The following DOCK1 variants were observed in gnomAD, a reference collection of about 807,000 sequenced individuals.
DOCK1 encodes dedicator of cytokinesis 1.
Under a neutral mutation model 262.7 loss-of-function variants are expected in DOCK1, and 138 were observed. The ratio of observed to expected loss-of-function variants is 0.53; its 90% CI spans 0.46 to 0.61. The LOEUF (loss-of-function observed/expected upper bound fraction) is 0.61, where lower values mean the gene tolerates loss of function less well. DOCK1 is among the 20% of genes least tolerant of loss of function. The probability of loss-of-function intolerance (pLI) is 0.00; values close to 1 mark genes in which losing one functional copy is unlikely to be tolerated. For synonymous variants in DOCK1, 866 were observed against 867.4 expected, an observed-to-expected ratio of 1.00 and a Z score of 0.03; for missense variants, 1,908 against 2,370.7, an observed-to-expected ratio of 0.80 and a Z score of 4.05.
intron 27 of DOCK1, among the ~76,000 whole-genome samples, chr10:127,240,073 A>C (rs906480885): frequency 6.6e-6 from 1 of 152,106 alleles, no homozygotes; most frequent in African/African-American, 2.4e-5. Context: ...CTGCCACTAT[A>C]AAAATGAAAT....
chr10:126,948,618 A>G, intron 1 of DOCK1, among the ~76,000 whole-genome samples: 1 of 151,936 alleles, frequency 6.6e-6, no homozygotes, highest in Non-Finnish European at 1.5e-5. Context: ...CAGATGGAGA[A>G]GGAAAGTTTC....
At chr10:127,063,394 A>T (rs2045661666) in intron 23 of DOCK1, among the ~76,000 whole-genome samples, 1 of 152,208 alleles carries the variant, frequency 6.6e-6, no homozygotes, top group Non-Finnish European at 1.5e-5. Context: ...ACATGAATCA[A>T]GTCGGAGCCT....
intron 29 of DOCK1, among the ~76,000 whole-genome samples, chr10:127,301,335 C>T (rs1486618095): frequency 6.6e-6 from 1 of 152,220 alleles, no homozygotes; most frequent in African/African-American, 2.4e-5. Flanking sequence ...AGTCAGGCTG[C>T]TTCCTTTGTT....
chr10:127,121,473 G>GTGTGTGTGTGTGTGTGTCTA (rs1456124560), intron 25 of DOCK1, among the ~76,000 whole-genome samples: 1 of 151,890 alleles, frequency 6.6e-6, no homozygotes, highest in Non-Finnish European at 1.5e-5. Context: ...GTGTGTGTGT[G>GTGTGTGTGTGTGTGTGTCTA]TGTCTATCTG....
Position 127,176,306 on chromosome 10 carries a change from G to C in DOCK1, c.2847+48542G>C. 1 of 1,614,114 alleles carries C rather than the reference G, an allele frequency of 6.2e-7. No homozygotes were observed. The highest frequency in any genetic ancestry group is 1.7e-5 in the Admixed American group (1 of 60,024). The stretch of plus-strand genomic sequence containing the variant: ...TAATCTGCCGGTTGGGGTCCAGGGC[G>C]TATTTCATCTCCAGGGCCAGGCAGG... On this transcript the variant is annotated intron_variant, in intron 27 of 51. Transcript: ENST00000623213. This position sits in a 1 kb window ranked among gnomAD's most constrained non-coding sequence, Gnocchi z 4.4.
At chr10:127,431,457 C>T (rs1471872765) in intron 47 of DOCK1, among the ~76,000 whole-genome samples, 1 of 152,214 alleles carries the variant, frequency 6.6e-6, no homozygotes, top group African/African-American at 2.4e-5. Flanking sequence ...CCTGAGGTCA[C>T]CTTCTGAGAT....
At chr10:127,230,420 T>A (rs945104452) in intron 27 of DOCK1, among the ~76,000 whole-genome samples, 14 of 152,214 alleles carry the variant, frequency 9.2e-5, no homozygotes, top group African/African-American at 3.1e-4. Context: ...AGGTTTTTAA[T>A]ACATTTTGAG....
At chr10:126,997,498 C>T (rs1352147688) in intron 7 of DOCK1, among the ~76,000 whole-genome samples, 3 of 150,534 alleles carry the variant, frequency 2.0e-5, no homozygotes, top group Non-Finnish European at 4.5e-5. Flanking sequence ...AGAGGGTGTG[C>T]GGGGGGGTGC....
intron 30 of DOCK1, among the ~76,000 whole-genome samples, chr10:127,341,937 A>G (rs911335426): frequency 6.6e-6 from 1 of 152,180 alleles, no homozygotes; most frequent in Middle Eastern, 3.2e-3. Context: ...ACAGATCTTA[A>G]TTTAAACACC....
In DOCK1 at chr10:126,949,923, G is replaced by A. The variant is rs1031511665; in HGVS notation, c.47-20779G>A. Among the ~76,000 whole-genome samples the A allele has an allele frequency of 1.6e-4, 24 of 152,140 alleles. No individual in the cohort carries two copies. In the East Asian group the frequency reaches 2.9e-3, roughly 18 times the overall value. On this transcript the variant is annotated intron_variant, in intron 1 of 51. Coordinates refer to ENST00000623213, the MANE Select transcript of DOCK1 (RefSeq NM_001290223.2). Reference sequence around the variant, plus strand: ...CTGTGCTTTTTTAGAGTGTGGAGCCGCGTGTTATGCAGCATGCAGTGTTGT... The same window carrying A: ...CTGTGCTTTTTTAGAGTGTGGAGCCACGTGTTATGCAGCATGCAGTGTTGT...
chr10:127,166,316 C>T (rs866647359), intron 27 of DOCK1, among the ~76,000 whole-genome samples: 7 of 152,262 alleles, frequency 4.6e-5, no homozygotes, highest in African/African-American at 9.6e-5. Flanking sequence ...CCACCCACCT[C>T]GGCCTCCCAA....
intron 1 of DOCK1, among the ~76,000 whole-genome samples, chr10:126,923,514 C>T (rs1184189635): frequency 3.9e-5 from 6 of 152,062 alleles, no homozygotes; most frequent in African/African-American, 1.4e-4. Context: ...ATCCCAGGTA[C>T]TCGGGAGGCT....
intron 32 of DOCK1, among the ~76,000 whole-genome samples, chr10:127,360,713 C>T (rs1237983342): frequency 3.3e-5 from 5 of 152,096 alleles, no homozygotes; most frequent in East Asian, 3.9e-4. Context: ...TTCAGAGAGT[C>T]GGGTAGGGTC....
In DOCK1 at chr10:126,996,868, G is replaced by A; in HGVS notation, c.594G>A (p.Arg198=). The stretch of plus-strand genomic sequence containing the variant: ...TAGCTTCTAAACAAGTGGAGGAAAG[G>A]TTACAAGAGGAAAAAGTAAGTTTGA... ...HEIASKQVEE[R]LQEEKSQKQN... The change falls in exon 7 of 52, where the codon AGG becomes AGA. Residue 198 remains arginine (R), a synonymous_variant. Transcript: ENST00000623213. 6.3e-7 allele frequency: 1 copy of A among 1,595,692 alleles called. No homozygotes were observed. Among genetic ancestry groups the A allele is most frequent in the African/African-American group, 1.4e-5 (1 of 73,760 alleles).
At chr10:127,368,564 AAGGAG>A (rs2065047491) in intron 33 of DOCK1, among the ~76,000 whole-genome samples, 1 of 152,094 alleles carries the variant, frequency 6.6e-6, no homozygotes, top group African/African-American at 2.4e-5. Flanking sequence ...ATTTGTTTGA[AAGGAG>A]AGGTCCTACT....
intron 1 of DOCK1, among the ~76,000 whole-genome samples, chr10:126,966,561 G>A (rs2037694100): frequency 6.6e-6 from 1 of 151,864 alleles, no homozygotes; most frequent in East Asian, 1.9e-4. Context: ...TTATTTTTTT[G>A]TCTTCTTGAT....
chr10:127,216,702 CAT>C (rs1218973331), intron 27 of DOCK1, among the ~76,000 whole-genome samples: 1 of 152,120 alleles, frequency 6.6e-6, no homozygotes, highest in Non-Finnish European at 1.5e-5. Flanking sequence ...GTTCAGGAAA[CAT>C]AGGCATATCT....
chr10:127,248,582 T>C (rs2059510258), intron 28 of DOCK1, among the ~76,000 whole-genome samples: 1 of 152,210 alleles, frequency 6.6e-6, no homozygotes, highest in South Asian at 2.1e-4. Flanking sequence ...TCATCCTCAG[T>C]AAAACTATGA....
At chr10:127,301,539 G>A (rs545732793) in intron 29 of DOCK1, among the ~76,000 whole-genome samples, 3 of 152,310 alleles carry the variant, frequency 2.0e-5, no homozygotes, top group Admixed American at 2.0e-4. Context: ...TCTCCAGGCT[G>A]TGTGGTCACC....
Sources: gnomAD v4.1 joint callset for allele counts (sites outside exome capture counted in the v4.1 genomes callset) on GRCh38, gnomAD v4.1.1 for gene constraint, Gnocchi (gnomAD v3.1) non-coding constraint, MANE v1.5 for transcripts, NCBI Gene and HGNC (gene_info 2026-07-23, HGNC 2026-07-21) for gene names.